TP63: variants seen among roughly 807,000 people sequenced by gnomAD.
TP63 encodes tumor protein 63.
TP63 carries 17 observed loss-of-function variants against 82.8 expected under a neutral mutation model. That is an observed-to-expected ratio of 0.21 (90% CI 0.14 to 0.31). The LOEUF (loss-of-function observed/expected upper bound fraction) is 0.31, where lower values mean the gene tolerates loss of function less well. Among genes scored for constraint, TP63 ranks in the 10% least tolerant of loss-of-function variants. TP63 has a pLI of 1.00. For synonymous variants in TP63, 330 were observed against 321.7 expected, an observed-to-expected ratio of 1.03 and a Z score of -0.28; for missense variants, 648 against 895.3, an observed-to-expected ratio of 0.72 and a Z score of 3.52.
intron 4 of TP63, among the ~76,000 whole-genome samples, chr3:189,863,583 G>A (rs1336674629): frequency 5.3e-5 from 8 of 152,148 alleles, no homozygotes; most frequent in Non-Finnish European, 4.4e-5. Flanking sequence ...CAGGCCCGGT[G>A]TTTTCAGGAG....
intron 10 of TP63, among the ~76,000 whole-genome samples, chr3:189,875,586 ATAC>A (rs1439679939): frequency 6.2e-5 from 2 of 32,272 alleles, no homozygotes; most frequent in African/African-American, 1.1e-4. Flanking sequence ...AGAAAAAAAA[ATAC>A]ATACATATAT....
At chr3:189,874,911 A>C (rs1718856988) in intron 10 of TP63, among the ~76,000 whole-genome samples, 1 of 152,038 alleles carries the variant, frequency 6.6e-6, no homozygotes, top group Non-Finnish European at 1.5e-5. Context: ...GACTATACCA[A>C]AATGACCTCC....
intron 1 of TP63, among the ~76,000 whole-genome samples, chr3:189,667,454 C>T (rs140709368): frequency 0.039 from 5,861 of 151,890 alleles, 144 homozygotes; most frequent in Middle Eastern, 0.055. Context: ...ATTAGAGGTG[C>T]GAGAAAGTAG....
At chr3:189,887,679 G>T (rs913300291) in intron 11 of TP63, among the ~76,000 whole-genome samples, 2 of 152,096 alleles carry the variant, frequency 1.3e-5, no homozygotes, top group East Asian at 3.9e-4. Flanking sequence ...AACATTGCAT[G>T]GGTATCATAT....
chr3:189,763,570 T>A (rs1055537209), intron 3 of TP63, among the ~76,000 whole-genome samples: 10 of 152,146 alleles, frequency 6.6e-5, no homozygotes, highest in African/African-American at 2.4e-4. Context: ...AAAGTAAAGC[T>A]GTAAAGAGCA....
the TP63 span, among the ~76,000 whole-genome samples, chr3:189,611,466 T>C: frequency 6.6e-6 from 1 of 152,198 alleles, no homozygotes; most frequent in Non-Finnish European, 1.5e-5. Flanking sequence ...ATGTGAGGCC[T>C]TATTGCTGAG....
At chr3:189,833,432 C>G (rs1275148579) in intron 4 of TP63, among the ~76,000 whole-genome samples, 1 of 152,222 alleles carries the variant, frequency 6.6e-6, no homozygotes, top group African/African-American at 2.4e-5. Context: ...CCCAACACCT[C>G]TTACCCAAAG....
At position 189,719,343 on chromosome 3, in the gene TP63, G is replaced by A. The variant is rs1215409839; in HGVS notation, c.63-18397G>A. Among the ~76,000 whole-genome samples the A allele has an allele frequency of 3.9e-5, 6 of 152,254 alleles. No individual in the cohort carries two copies. The East Asian group carries it at 7.7e-4, about 20-fold the overall frequency. ...ATAAGCTTCCTAATCTGCGCTTGCA[G>A]AGTCCATGATGCTCAGTTGGCTCTC... On this transcript the variant is annotated intron_variant, in intron 1 of 13. Coordinates refer to ENST00000264731, the MANE Select transcript of TP63 (RefSeq NM_003722.5).
rs148937466 is a variant in TP63, at chr3:189,868,670, G to A, written c.1083G>A (p.Lys361=). The A allele has an allele frequency of 5.5e-5, 88 of 1,614,042 alleles. 2 individuals carry two copies. The Admixed American group carries it at 1.2e-3, about 22-fold the overall frequency. Residue 361 remains lysine (K), a synonymous_variant, in exon 8 of 14, where the codon AAG becomes AAA. Coordinates refer to ENST00000264731, the MANE Select transcript of TP63 (RefSeq NM_003722.5). ...AGGCGGATGAAGATAGCATCAGAAA[G>A]CAGCAAGTTTCGGACAGTACAAAGA... ...DRKADEDSIR[K]QQVSDSTKNG...
At chr3:189,649,245 T>C (rs13088465) in intron 1 of TP63, among the ~76,000 whole-genome samples, 68,017 of 145,902 alleles carry the variant, frequency 0.47, 20,088 homozygotes, top group Middle Eastern at 0.67. Flanking sequence ...GGAATCAACA[T>C]AAATGCCCAT....
chr3:189,709,608 G>T (rs1236452473), intron 1 of TP63, among the ~76,000 whole-genome samples: 1 of 151,998 alleles, frequency 6.6e-6, no homozygotes, highest in Non-Finnish European at 1.5e-5. Context: ...TTGTGCCACT[G>T]TACTCCAGCC....
chr3:189,897,088 A>C lies in TP63; in HGVS notation c.*2586A>C, dbSNP rs1400852734. Reference sequence around the variant, plus strand: ...TGTACAAAATTAAGCAAATGTTAAAAGTTTTATATGCTTTATTAATGTTTT... The same window carrying C: ...TGTACAAAATTAAGCAAATGTTAAACGTTTTATATGCTTTATTAATGTTTT... On this transcript the variant is annotated 3_prime_UTR_variant, in exon 14 of 14. Transcript: ENST00000264731. 3 of 224,416 alleles carry C rather than the reference A, an allele frequency of 1.3e-5. No homozygotes were observed. Among genetic ancestry groups the C allele is most frequent in the African/African-American group, 2.2e-5 (1 of 44,868 alleles). The allele number at this position is 224,416 out of a possible 1,614,324, so 13.9% of individuals were successfully genotyped here. A position where few individuals can be genotyped will look rare whatever the true frequency, so the allele number is the denominator to read the frequency against.
chr3:189,810,853 C>T (rs1337948000), intron 4 of TP63, among the ~76,000 whole-genome samples: 8 of 113,060 alleles, frequency 7.1e-5, no homozygotes, highest in Non-Finnish European at 1.2e-4. Context: ...AACAAGAGTC[C>T]GTCTCCAAAA....
At chr3:189,826,185 C>T (rs9810322) in intron 4 of TP63, among the ~76,000 whole-genome samples, 52,137 of 152,050 alleles carry the variant, frequency 0.34, 9,215 homozygotes, top group East Asian at 0.52. Flanking sequence ...TACATACTGA[C>T]TGAGCCCACT....
At chr3:189,868,506 A>C in intron 7 of TP63, 74 bp from the exon 8 acceptor site, 5 of 1,589,072 alleles carry the variant, frequency 3.1e-6, no homozygotes, top group Non-Finnish European at 4.3e-6. Context: ...TGGGAAGTGG[A>C]AGTGGTAGAT....
chr3:189,812,838 G>T (rs544895759), intron 4 of TP63, among the ~76,000 whole-genome samples: 4 of 152,178 alleles, frequency 2.6e-5, no homozygotes, highest in Admixed American at 1.3e-4. Flanking sequence ...TGTACTAAAG[G>T]TACTCATTTG....
chr3:189,823,244 T>A (rs1728980179), intron 4 of TP63, among the ~76,000 whole-genome samples: 1 of 152,050 alleles, frequency 6.6e-6, no homozygotes, highest in Non-Finnish European at 1.5e-5. Context: ...TGGTTCTATG[T>A]AGGAAACTAC....
chr3:189,682,548 AAAAAAATATATATAT>A (rs1280013347), intron 1 of TP63, among the ~76,000 whole-genome samples: 51 of 48,942 alleles, frequency 1.0e-3, no homozygotes, highest in African/African-American at 3.0e-3. Flanking sequence ...AAAAAAAAAA[AAAAAAATATATATAT>A]ATATATATAT....
intron 1 of TP63, among the ~76,000 whole-genome samples, chr3:189,737,129 TTTAA>T (rs1406540321): frequency 6.6e-6 from 1 of 152,134 alleles, no homozygotes; most frequent in African/African-American, 2.4e-5. Context: ...AATTCTACAC[TTTAA>T]TTAAGAACCA....
Sources: gnomAD v4.1 joint callset for allele counts (sites outside exome capture counted in the v4.1 genomes callset) on GRCh38, gnomAD v4.1.1 for gene constraint, MANE v1.5 for transcripts, NCBI Gene and HGNC (gene_info 2026-07-23, HGNC 2026-07-21) for gene names.